JAKMIP2: variants seen among roughly 807,000 people sequenced by gnomAD.
JAKMIP2 encodes the protein janus kinase and microtubule interacting protein 2, also known as janus kinase and microtubule-interacting protein 2.
A neutral mutation model predicts 115.0 loss-of-function variants in JAKMIP2; 25 were observed. That is an observed-to-expected ratio of 0.22 (90% confidence interval 0.16 to 0.30). The LOEUF (loss-of-function observed/expected upper bound fraction) is 0.30. Ranked by LOEUF, JAKMIP2 falls within the 10% of genes least tolerant of loss-of-function variation. The probability of loss-of-function intolerance (pLI) is 1.00; values close to 1 mark genes in which losing one functional copy is unlikely to be tolerated. For synonymous variants in JAKMIP2, 334 were observed against 343.6 expected, an observed-to-expected ratio of 0.97 and a Z score of 0.31; for missense variants, 642 against 957.6, an observed-to-expected ratio of 0.67 and a Z score of 4.35.
chr5:147,687,418 AGAG>A (rs1317999687), intron 1 of JAKMIP2, among the ~76,000 whole-genome samples: 4 of 152,240 alleles, frequency 2.6e-5, no homozygotes, highest in Non-Finnish European at 5.9e-5. Context: ...ACTGGTACTC[AGAG>A]GAGGAGCTCC....
At chr5:147,610,478 T>A (rs965603557) in intron 20 of JAKMIP2, among the ~76,000 whole-genome samples, 76 of 152,326 alleles carry the variant, frequency 5.0e-4, no homozygotes, top group African/African-American at 1.7e-3. Context: ...GGGGGTCCAC[T>A]CCAGACTCTG....
chr5:147,744,912 G>T (rs911841614), intron 1 of JAKMIP2, among the ~76,000 whole-genome samples: 1 of 151,994 alleles, frequency 6.6e-6, no homozygotes, highest in African/African-American at 2.4e-5. Context: ...ACAAAAATTA[G>T]CTGGGCATGG....
At chr5:147,624,123 G>A (rs1403311525) in intron 16 of JAKMIP2, among the ~76,000 whole-genome samples, 4 of 152,104 alleles carry the variant, frequency 2.6e-5, no homozygotes, top group Non-Finnish European at 4.4e-5. Flanking sequence ...GCGAGCCACC[G>A]TGCCTGACCC....
Position 147,628,752 on chromosome 5 carries a change from T to C in JAKMIP2, c.1994A>G (p.Lys665Arg). 6.2e-7 allele frequency: 1 copy of C among 1,611,866 alleles called. No homozygotes were observed. Among genetic ancestry groups the C allele is most frequent in the Non-Finnish European group, 8.5e-7 (1 of 1,178,180 alleles). Reference protein sequence around the residue: ...QASTVLSLAEKWIQQIEGAEA... With the variant: ...QASTVLSLAERWIQQIEGAEA... ...TGAAATGTTTGTACGGCTCATTACC[T>C]TCTCTGCCAGGGACAGCACAGTGCT... Residue 665 changes from lysine (K) to arginine (R), a missense_variant and splice_region_variant, in exon 16 of 22, where the codon AAG becomes AGG. This residue lies in a region of JAKMIP2 where 68 missense variants were observed against 104.6 expected (regional missense o/e 0.65). Coordinates refer to ENST00000616793, the MANE Select transcript of JAKMIP2 (RefSeq NM_001270941.2).
chr5:147,693,983 T>G (rs933175922), intron 1 of JAKMIP2, among the ~76,000 whole-genome samples: 2 of 152,202 alleles, frequency 1.3e-5, no homozygotes, highest in Admixed American at 6.5e-5. Flanking sequence ...TCCAGATAGG[T>G]GAAGTTTACG....
chr5:147,726,201 T>G (rs1393064932), intron 1 of JAKMIP2, among the ~76,000 whole-genome samples: 1 of 152,228 alleles, frequency 6.6e-6, no homozygotes, highest in Non-Finnish European at 1.5e-5. Flanking sequence ...GGATCAAAGA[T>G]GACAAGGCCC....
intron 12 of JAKMIP2, 59 bp from the exon 13 acceptor site, chr5:147,632,837 A>G (rs971541916): frequency 2.8e-5 from 29 of 1,053,222 alleles, no homozygotes; most frequent in Non-Finnish European, 4.1e-5. Flanking sequence ...CAACTTTGCA[A>G]AGCATGAATA....
chr5:147,678,003 T>C (rs959848626), intron 1 of JAKMIP2, among the ~76,000 whole-genome samples: 1 of 149,652 alleles, frequency 6.7e-6, no homozygotes, highest in Admixed American at 6.6e-5. Context: ...GCTCCTCACC[T>C]TTTTTTTGTT....
intron 3 of JAKMIP2, among the ~76,000 whole-genome samples, chr5:147,656,471 G>A (rs10452530): frequency 0.25 from 38,429 of 151,998 alleles, 6,140 homozygotes; most frequent in East Asian, 0.46. Context: ...ATCTTTGTTG[G>A]TTTAAAGTCT....
intron 1 of JAKMIP2, among the ~76,000 whole-genome samples, chr5:147,728,656 A>G (rs1753610876): frequency 6.6e-6 from 1 of 152,214 alleles, no homozygotes; most frequent in Non-Finnish European, 1.5e-5. Context: ...TTGTCAGAAA[A>G]ACAAAAACTA....
At chr5:147,735,669 C>G (rs1358671704) in intron 1 of JAKMIP2, among the ~76,000 whole-genome samples, 4 of 152,154 alleles carry the variant, frequency 2.6e-5, no homozygotes, top group South Asian at 2.1e-4. Flanking sequence ...ATCATTATTA[C>G]AGGCATCATC....
intron 1 of JAKMIP2, among the ~76,000 whole-genome samples, chr5:147,748,484 AT>A (rs1256644305): frequency 6.6e-6 from 1 of 152,180 alleles, no homozygotes; most frequent in Non-Finnish European, 1.5e-5. Flanking sequence ...GCCCCAAATC[AT>A]TTCTTTTCTA....
intron 1 of JAKMIP2, among the ~76,000 whole-genome samples, chr5:147,691,659 T>C (rs1561541386): frequency 6.6e-6 from 1 of 152,160 alleles, no homozygotes; most frequent in Non-Finnish European, 1.5e-5. Flanking sequence ...CTTTACCACA[T>C]AGACTTTCTC....
At chr5:147,620,875 T>C (rs1756816440) in intron 17 of JAKMIP2, 132 bp from the exon 18 acceptor site, 1 of 624,808 alleles carries the variant, frequency 1.6e-6, no homozygotes, top group Non-Finnish European at 2.8e-6. Context: ...ATAAATTTTG[T>C]CTGTTAGGGA....
intron 2 of JAKMIP2, among the ~76,000 whole-genome samples, chr5:147,663,726 G>A (rs558380028): frequency 3.3e-5 from 5 of 152,126 alleles, no homozygotes; most frequent in African/African-American, 7.2e-5. Flanking sequence ...TTTTAAAGGC[G>A]CAGCAATTAT....
At chr5:147,774,105 T>G (rs1013044582) in intron 1 of JAKMIP2, among the ~76,000 whole-genome samples, 11 of 152,154 alleles carry the variant, frequency 7.2e-5, no homozygotes. Context: ...AAATAATATA[T>G]TCTCTAAAAT....
In JAKMIP2 at chr5:147,641,899, C is replaced by T. The variant is rs1287600467; in HGVS notation, c.1225-135G>A. ...TAAGACTTTGTTTTTTAAATTTTGG[C>T]AACTTTTGGGATTGATACTTAAATA... is the stretch of plus-strand genomic sequence containing the variant. On this transcript the variant is annotated intron_variant, in intron 7 of 21. Coordinates refer to ENST00000616793, the MANE Select transcript of JAKMIP2 (RefSeq NM_001270941.2). 4 of 682,094 alleles carry T rather than the reference C, an allele frequency of 5.9e-6. No individual in the cohort carries two copies. In the South Asian group the frequency reaches 7.8e-5, roughly 13 times the overall value. 42.3% of individuals were successfully genotyped at this position (682,094 alleles called of 1,614,324 possible). A position where few individuals can be genotyped will look rare whatever the true frequency, so the allele number is the denominator to read the frequency against.
chr5:147,638,189 T>G (rs1581334122), intron 10 of JAKMIP2, among the ~76,000 whole-genome samples: 1 of 152,286 alleles, frequency 6.6e-6, no homozygotes, highest in East Asian at 1.9e-4. Context: ...CTCTTTAAAT[T>G]TACTCTGTTG....
At chr5:147,736,492 T>C (rs1404653537) in intron 1 of JAKMIP2, among the ~76,000 whole-genome samples, 1 of 152,042 alleles carries the variant, frequency 6.6e-6, no homozygotes, top group Non-Finnish European at 1.5e-5. Context: ...AAAATTAAAC[T>C]TTTCTTTCAA....
Sources: allele counts gnomAD v4.1 joint callset (sites outside exome capture counted in the v4.1 genomes callset), GRCh38; gene constraint gnomAD v4.1.1; regional missense constraint gnomAD v4.1.1; transcripts MANE v1.5; gene names NCBI Gene and HGNC (gene_info 2026-07-23, HGNC 2026-07-21).